TSEN15: variants seen among roughly 807,000 people sequenced by gnomAD.
TSEN15 encodes tRNA-splicing endonuclease subunit Sen15.
A neutral mutation model predicts 20.5 loss-of-function variants in TSEN15; 10 were observed. The ratio of observed to expected loss-of-function variants is 0.49; its 90% CI spans 0.30 to 0.83. TSEN15 has a LOEUF of 0.83. TSEN15 is among the 40% of genes least tolerant of loss of function. The pLI is 0.06. For synonymous variants in TSEN15, 72 were observed against 80.1 expected, an observed-to-expected ratio of 0.90 and a Z score of 0.54; for missense variants, 180 against 218.6, an observed-to-expected ratio of 0.82 and a Z score of 1.11.
At chr1:184,078,173 A>G (rs1052630891), downstream of TSEN15, among the ~76,000 whole-genome samples, 5 of 152,172 alleles carry the variant, frequency 3.3e-5, no homozygotes, top group African/African-American at 1.2e-4. Context: ...GTTAGCACCC[A>G]TTAACATCAA....
chr1:184,072,916 C>T lies in TSEN15; in HGVS notation c.*69C>T. Reference sequence around the variant, plus strand: ...TTTGAGACCCATCAGACTGCTTCATCTTTTATCTCAGAAATAGGGTTGACG... The same window carrying T: ...TTTGAGACCCATCAGACTGCTTCATTTTTTATCTCAGAAATAGGGTTGACG... On this transcript the variant is annotated 3_prime_UTR_variant, in exon 5 of 5. Transcript: ENST00000645668. 6.8e-7 allele frequency: 1 copy of T among 1,460,628 alleles called. No homozygotes were observed. Among genetic ancestry groups the T allele is most frequent in the Non-Finnish European group, 9.4e-7 (1 of 1,064,314 alleles). 90.5% of individuals were successfully genotyped at this position (1,460,628 alleles called of 1,614,324 possible). A position where few individuals can be genotyped will look rare whatever the true frequency, so the allele number is the denominator to read the frequency against.
chr1:184,071,648 AC>A (rs1290212972), intron 3 of TSEN15, among the ~76,000 whole-genome samples: 1 of 151,990 alleles, frequency 6.6e-6, no homozygotes, highest in Non-Finnish European at 1.5e-5. Flanking sequence ...AAAAAAAAAT[AC>A]ATTAATTAAA....
At chr1:184,061,436 A>G (rs1053999448) in intron 3 of TSEN15, among the ~76,000 whole-genome samples, 1 of 152,164 alleles carries the variant, frequency 6.6e-6, no homozygotes. Flanking sequence ...ACAATTTCTT[A>G]TTATTTACAA....
intron 3 of TSEN15, among the ~76,000 whole-genome samples, chr1:184,067,939 A>ATATATATAT (rs1424280759): frequency 8.8e-6 from 1 of 113,418 alleles, no homozygotes; most frequent in South Asian, 3.6e-4. Context: ...AAAAAAAAAA[A>ATATATATAT]AAATATATAT....
chr1:184,085,912 A>C (rs2102902983), intron 3 of TSEN15, among the ~76,000 whole-genome samples: 1 of 152,286 alleles, frequency 6.6e-6, no homozygotes, highest in Admixed American at 6.5e-5. Flanking sequence ...TAGTCAAGTC[A>C]GGACTAGTCA....
chr1:184,094,297 A>G (rs1042402086), intron 3 of TSEN15: 1 of 152,396 alleles, frequency 6.6e-6, no homozygotes, highest in South Asian at 2.1e-4. Context: ...TGTTGAATTC[A>G]TTCTGTTGAA....
downstream of TSEN15, among the ~76,000 whole-genome samples, chr1:184,075,395 G>A (rs2102898634): frequency 6.6e-6 from 1 of 152,236 alleles, no homozygotes; most frequent in Middle Eastern, 3.4e-3. Flanking sequence ...TTGTAAGTGA[G>A]TTTACATTTG....
At chr1:184,097,253 G>A (rs1286091080) in exon 4 of TSEN15, 3 of 152,210 alleles carry the variant, frequency 2.0e-5, no homozygotes, top group Non-Finnish European at 4.4e-5. Context: ...CCAGTTGAAG[G>A]AGGTTTTTTG....
chr1:184,076,754 TTGAG>T (rs575688168), downstream of TSEN15, among the ~76,000 whole-genome samples: 437 of 152,216 alleles, frequency 2.9e-3, 2 homozygotes, highest in Middle Eastern at 0.014. Context: ...TGGAGAAAGT[TTGAG>T]TGGTCTGCAG....
At chr1:184,087,775 G>C (rs886092500) in intron 3 of TSEN15, among the ~76,000 whole-genome samples, 1 of 152,228 alleles carries the variant, frequency 6.6e-6, no homozygotes, top group Non-Finnish European at 1.5e-5. Flanking sequence ...CACTTAGAAT[G>C]ATTCCAAGGC....
At chr1:184,090,149 C>A (rs926060989) in intron 3 of TSEN15, among the ~76,000 whole-genome samples, 1 of 152,162 alleles carries the variant, frequency 6.6e-6, no homozygotes, top group South Asian at 2.1e-4. Context: ...ATAAAAAGAA[C>A]AAGCTACTGA....
intron 3 of TSEN15, among the ~76,000 whole-genome samples, chr1:184,071,650 A>G (rs903922377): frequency 2.0e-5 from 3 of 152,022 alleles, no homozygotes; most frequent in African/African-American, 4.8e-5. Flanking sequence ...AAAAAAATAC[A>G]TTAATTAAAA....
At chr1:184,061,613 T>G (rs1289944898) in intron 3 of TSEN15, among the ~76,000 whole-genome samples, 1 of 152,222 alleles carries the variant, frequency 6.6e-6, no homozygotes, top group Non-Finnish European at 1.5e-5. Context: ...ACTGTTTCAG[T>G]CACCACTTGA....
At chr1:184,083,530 A>C (rs923911640) in intron 3 of TSEN15, among the ~76,000 whole-genome samples, 1 of 152,166 alleles carries the variant, frequency 6.6e-6, no homozygotes, top group African/African-American at 2.4e-5. Context: ...CTACTTAGAA[A>C]TGGTAATTCC....
intron 3 of TSEN15, among the ~76,000 whole-genome samples, chr1:184,063,339 G>A (rs763652227): frequency 3.3e-5 from 5 of 152,132 alleles, no homozygotes; most frequent in African/African-American, 1.2e-4. Context: ...CTACCATGAA[G>A]CTAAAAGTCT....
At chr1:184,089,292 C>T (rs1651316879) in intron 3 of TSEN15, among the ~76,000 whole-genome samples, 1 of 152,138 alleles carries the variant, frequency 6.6e-6, no homozygotes, top group African/African-American at 2.4e-5. Flanking sequence ...ACATTTCCTA[C>T]TGTAACCGTC....
At chr1:184,091,292 C>G (rs971902952) in intron 3 of TSEN15, among the ~76,000 whole-genome samples, 4 of 152,028 alleles carry the variant, frequency 2.6e-5, no homozygotes, top group Non-Finnish European at 5.9e-5. Context: ...GAGCAAGTCA[C>G]TTATCCTCTC....
At chr1:184,086,876 A>T (rs968009887) in intron 3 of TSEN15, among the ~76,000 whole-genome samples, 3 of 152,240 alleles carry the variant, frequency 2.0e-5, no homozygotes, top group African/African-American at 7.2e-5. Flanking sequence ...TGCCAAGTCT[A>T]GTCCATACTA....
At chr1:184,097,101 A>G (rs1414277741) in exon 4 of TSEN15, 1 of 152,190 alleles carries the variant, frequency 6.6e-6, no homozygotes, top group Non-Finnish European at 1.5e-5. Flanking sequence ...AGATGAATGC[A>G]TTAGAAATGG....
Sources: allele counts gnomAD v4.1 joint callset (sites outside exome capture counted in the v4.1 genomes callset), GRCh38; gene constraint gnomAD v4.1.1; transcripts MANE v1.5; gene names NCBI Gene and HGNC (gene_info 2026-07-23, HGNC 2026-07-21).